Variants in SLC30A5 observed in about 807,000 individuals in gnomAD.
The protein encoded by SLC30A5 is solute carrier family 30 member 5.
A neutral mutation model predicts 79.6 loss-of-function variants in SLC30A5; 33 were observed. The observed-to-expected ratio is 0.41, with a 90% CI of 0.31 to 0.55. The LOEUF (loss-of-function observed/expected upper bound fraction) is 0.55. Ranked by LOEUF, SLC30A5 falls within the 20% of genes least tolerant of loss-of-function variation. SLC30A5 has a pLI of 0.20. For synonymous variants in SLC30A5, 299 were observed against 319.7 expected (o/e 0.94, Z 0.69); for missense variants, 788 against 928.1 (o/e 0.85, Z 1.96).
At chr5:69,107,046 T>C (rs1746099016) in intron 4 of SLC30A5, among the ~76,000 whole-genome samples, 1 of 152,078 alleles carries the variant, frequency 6.6e-6, no homozygotes, top group African/African-American at 2.4e-5. Flanking sequence ...TGTATCTTTT[T>C]TGATAGCAGG....
intron 14 of SLC30A5, chr5:69,123,678 G>A (rs573804674): frequency 9.1e-5 from 35 of 383,166 alleles, no homozygotes; most frequent in African/African-American, 6.8e-4. Context: ...TGGATGAGAA[G>A]ACTCTTTATT....
In SLC30A5 at chr5:69,117,412, G is replaced by A. The variant is rs747664332; in HGVS notation, c.1439+16G>A. On this transcript the variant is annotated intron_variant, in intron 11 of 15. Coordinates refer to ENST00000396591, the MANE Select transcript of SLC30A5 (RefSeq NM_022902.5). ...TCTCCTATGGGTAGGTACATTGACT[G>A]TCGAGGTGGTATATCTTAAGTGCAA... is the stretch of plus-strand genomic sequence containing the variant. The A allele has an allele frequency of 3.1e-6, 5 of 1,610,868 alleles. No individual in the cohort carries two copies. In the South Asian group the frequency reaches 3.3e-5, roughly 11 times the overall value.
In SLC30A5 at chr5:69,126,810, A is replaced by AAT. The variant is rs34449668; in HGVS notation, c.1999-1181_1999-1180dup. Among the ~76,000 whole-genome samples the AAT allele has an allele frequency of 3.0e-3, 445 of 148,900 alleles. 4 individuals carry two copies. The highest frequency in any genetic ancestry group is 0.01 in the African/African-American group (425 of 40,736). On this transcript the variant is annotated intron_variant, in intron 14 of 15. Coordinates refer to ENST00000396591, the MANE Select transcript of SLC30A5 (RefSeq NM_022902.5). ...CAAACAACAACAACAACAACAACAA[A>AAT]ATATATATATATATGTATATATATC...
At position 69,121,843 on chromosome 5, in the gene SLC30A5, G is replaced by A; in HGVS notation, c.1719G>A (p.Gly573=). 1 of 1,613,282 alleles carries A rather than the reference G, an allele frequency of 6.2e-7. No homozygotes were observed. The highest frequency in any genetic ancestry group is 1.1e-5 in the South Asian group (1 of 91,002). ...ATATGCATGGACACAGTGACCATGG[G>A]CATGGTCACAGCCACGGATCTGCGG... ...SHHMHGHSDH[G]HGHSHGSAGG... is the part of the protein sequence containing the mutation. Residue 573 remains glycine (G), a synonymous_variant, in exon 13 of 16, where the codon GGG becomes GGA. Transcript: ENST00000396591.
At chr5:69,096,721 G>T (rs1042208220) in intron 1 of SLC30A5, among the ~76,000 whole-genome samples, 3 of 152,060 alleles carry the variant, frequency 2.0e-5, no homozygotes. Context: ...TAAAGTAAAC[G>T]TAGGCTAAAG....
intron 1 of SLC30A5, among the ~76,000 whole-genome samples, chr5:69,099,549 T>C (rs1488387518): frequency 2.0e-5 from 3 of 152,108 alleles, no homozygotes; most frequent in Admixed American, 1.3e-4. Flanking sequence ...GGGGATCTGA[T>C]TACTTGGAAG....
At chr5:69,115,153 A>AG (rs1423351532) in intron 7 of SLC30A5, 84 bp from the exon 8 acceptor site, 4 of 655,318 alleles carry the variant, frequency 6.1e-6, no homozygotes, top group Non-Finnish European at 8.9e-6. Context: ...AAAAAAAAAA[A>AG]AAAAAAAAAA....
Position 69,118,583 on chromosome 5 carries a change from G to A in SLC30A5, c.1524G>A (p.Val508=). The change falls in exon 12 of 16, where the codon GTG becomes GTA. Residue 508 remains valine, a synonymous_variant. Coordinates refer to ENST00000396591, the MANE Select transcript of SLC30A5 (RefSeq NM_022902.5). ...CGTTTTTTGTGTTTATGGAGTCAGTGGCTAGATTGATTGATCCTCCAGAAT... is the reference window on the plus strand; with the variant it reads ...CGTTTTTTGTGTTTATGGAGTCAGTAGCTAGATTGATTGATCCTCCAGAAT... ...VIAFFVFMES[V]ARLIDPPELD... is the part of the protein sequence containing the mutation. 6.3e-7 allele frequency: 1 copy of A among 1,599,352 alleles called. No individual in the cohort carries two copies. The highest frequency in any genetic ancestry group is 8.5e-7 in the Non-Finnish European group (1 of 1,173,624).
At chr5:69,097,148 C>G (rs1293906545) in intron 1 of SLC30A5, among the ~76,000 whole-genome samples, 4 of 124,052 alleles carry the variant, frequency 3.2e-5, no homozygotes, top group Non-Finnish European at 6.3e-5. Flanking sequence ...CGGAGTCTCG[C>G]TATGTCGCCC....
intron 14 of SLC30A5, chr5:69,123,645 C>T (rs16898565): frequency 0.011 from 4,885 of 432,342 alleles, 194 homozygotes; most frequent in African/African-American, 0.086. Context: ...AAACAGGGAC[C>T]GAATAGATGG....
chr5:69,103,060 A>G lies in SLC30A5; in HGVS notation c.207-2A>G. The G allele has an allele frequency of 6.8e-7, 1 of 1,475,260 alleles. No homozygotes were observed. Among genetic ancestry groups the G allele is most frequent in the Non-Finnish European group, 9.4e-7 (1 of 1,060,710 alleles). The allele number at this position is 1,475,260 out of a possible 1,614,324, so 91.4% of individuals were successfully genotyped here. A position where few individuals can be genotyped will look rare whatever the true frequency, so the allele number is the denominator to read the frequency against. ...AATATATTAATGTTTCAATATTTAC[A>G]GGACTGCATTTTTTATGGTTTTGTT... On this transcript the variant is annotated splice_acceptor_variant, in intron 2 of 15. Transcript: ENST00000396591. LOFTEE classifies it high-confidence loss of function.
chr5:69,115,250 T>C lies in SLC30A5; in HGVS notation c.626T>C (p.Leu209Ser). ...GVADHKGGVL[L>S]LVLALCCKVG... ...TTTTACTCACAGGGTGGAGTATTAT[T>C]GCTAGTACTGGCTTTGTGTTGTAAA... is the stretch of plus-strand genomic sequence containing the variant. Residue 209 changes from leucine (L) to serine (S), a missense_variant, in exon 8 of 16, where the codon TTG (leucine) becomes TCG (serine). By Grantham distance (145) the Leu-to-Ser change is moderately radical. This residue lies in a region of SLC30A5 where 626 missense variants were observed against 755.5 expected (regional missense o/e 0.83). Coordinates refer to ENST00000396591, the MANE Select transcript of SLC30A5 (RefSeq NM_022902.5). 1 of 1,613,580 alleles carries C rather than the reference T, an allele frequency of 6.2e-7. No individual in the cohort carries two copies. Among genetic ancestry groups the C allele is most frequent in the Middle Eastern group, 1.7e-4 (1 of 6,060 alleles).
intron 4 of SLC30A5, among the ~76,000 whole-genome samples, chr5:69,107,164 T>A (rs2111956707): frequency 6.6e-6 from 1 of 152,242 alleles, no homozygotes; most frequent in East Asian, 1.9e-4. Flanking sequence ...CTCCTGGCAC[T>A]TTTTTGTTAA....
At chr5:69,118,373 A>T in intron 11 of SLC30A5, 126 bp from the exon 12 acceptor site, 1 of 488,350 alleles carries the variant, frequency 2.0e-6, no homozygotes, top group Non-Finnish European at 3.4e-6. Context: ...TATTTAAAAT[A>T]TTGCTAATTT....
intron 2 of SLC30A5, chr5:69,102,579 G>C (rs1745958320): frequency 6.6e-6 from 1 of 152,056 alleles, no homozygotes; most frequent in African/African-American, 2.4e-5. Flanking sequence ...AGAGTTCTCG[G>C]CCAGGTGTGA....
At chr5:69,127,556 A>C (rs897037300) in intron 14 of SLC30A5, among the ~76,000 whole-genome samples, 1 of 152,036 alleles carries the variant, frequency 6.6e-6, no homozygotes, top group Non-Finnish European at 1.5e-5. Context: ...AGGCAGGAGA[A>C]TTGCCTGAAC....
intron 15 of SLC30A5, 59 bp from the exon 16 acceptor site, chr5:69,129,388 G>C: frequency 8.1e-7 from 1 of 1,237,880 alleles, no homozygotes; most frequent in Non-Finnish European, 1.1e-6. Flanking sequence ...AGCATATTAA[G>C]ACGTGTGTAC....
rs1359085098 is a variant in SLC30A5 at position 69,117,378 on chromosome 5, C to G, written c.1421C>G (p.Thr474Ser). The G allele has an allele frequency of 6.2e-7, 1 of 1,613,844 alleles. No individual in the cohort carries two copies. Among genetic ancestry groups the G allele is most frequent in the Admixed American group, 1.7e-5 (1 of 59,980 alleles). ...GCCCTGATGAGTAGGTGGAAAGCCA[C>G]TCGGATTTTCTCCTATGGGTAGGTA... ...FAALMSRWKATRIFSYGYGRI... is the reference protein window; with the variant it reads ...FAALMSRWKASRIFSYGYGRI... Residue 474 changes from threonine (T) to serine (S), a missense_variant, in exon 11 of 16, where the codon ACT (threonine) becomes AGT (serine). Transcript: ENST00000396591.
At chr5:69,101,843 G>C (rs970526362) in intron 2 of SLC30A5, among the ~76,000 whole-genome samples, 2 of 150,902 alleles carry the variant, frequency 1.3e-5, no homozygotes, top group Non-Finnish European at 3.0e-5. Flanking sequence ...TGTAATCCCA[G>C]CTACAAGGGG....
Sources: allele counts gnomAD v4.1 joint callset (sites outside exome capture counted in the v4.1 genomes callset), GRCh38; gene constraint gnomAD v4.1.1; regional missense constraint gnomAD v4.1.1; transcripts MANE v1.5; gene names NCBI Gene and HGNC (gene_info 2026-07-23, HGNC 2026-07-21).